ZRANB3: variants seen among roughly 807,000 people sequenced by gnomAD.
ZRANB3 encodes DNA annealing helicase and endonuclease ZRANB3.
In ZRANB3, 125 loss-of-function variants were observed where a neutral mutation model predicts 133.8. The ratio of observed to expected loss-of-function variants is 0.93; its 90% CI spans 0.81 to 1.08. The LOEUF is 1.08. Among genes scored for constraint, ZRANB3 ranks in the 50% least tolerant of loss-of-function variants. The pLI is 0.00. For synonymous variants in ZRANB3, 387 were observed against 432.7 expected, an observed-to-expected ratio of 0.89 and a Z score of 1.31; for missense variants, 1,229 against 1,275.5, an observed-to-expected ratio of 0.96 and a Z score of 0.56.
intron 2 of ZRANB3, among the ~76,000 whole-genome samples, chr2:135,493,129 AT>A (rs1692476145): frequency 8.1e-5 from 3 of 37,016 alleles, no homozygotes; most frequent in Admixed American, 3.0e-4. Context: ...ATATATATAT[AT>A]ATATATATAT....
At chr2:135,219,764 A>G (rs1369737000) in intron 15 of ZRANB3, among the ~76,000 whole-genome samples, 2 of 152,218 alleles carry the variant, frequency 1.3e-5, no homozygotes, top group African/African-American at 4.8e-5. Context: ...CCCCCAAAGC[A>G]ATGTCACAGT....
chr2:135,515,890 CTACTAT>C (rs1693675855), intron 1 of ZRANB3, among the ~76,000 whole-genome samples: 1 of 152,168 alleles, frequency 6.6e-6, no homozygotes, highest in African/African-American at 2.4e-5. Flanking sequence ...ATTAAATCTC[CTACTAT>C]TATCGTATGG....
At chr2:135,422,354 T>C (rs1688898219) in intron 2 of ZRANB3, among the ~76,000 whole-genome samples, 1 of 152,184 alleles carries the variant, frequency 6.6e-6, no homozygotes, top group South Asian at 2.1e-4. Flanking sequence ...CCAAATCAAA[T>C]GGTCATTTCT....
intron 2 of ZRANB3, among the ~76,000 whole-genome samples, chr2:135,436,737 A>G (rs551619634): frequency 6.6e-6 from 1 of 152,180 alleles, no homozygotes; most frequent in Non-Finnish European, 1.5e-5. Flanking sequence ...TACGAGTGGC[A>G]TTCTTCATAG....
chr2:135,303,418 C>CT (rs1682537094), intron 8 of ZRANB3, among the ~76,000 whole-genome samples: 1 of 152,044 alleles, frequency 6.6e-6, no homozygotes, highest in Non-Finnish European at 1.5e-5. Context: ...ATGTTCAAGA[C>CT]TTCTTTTTTT....
chr2:135,260,961 GATAT>G (rs990161846), intron 12 of ZRANB3, among the ~76,000 whole-genome samples: 1 of 144,806 alleles, frequency 6.9e-6, no homozygotes, highest in Non-Finnish European at 1.5e-5. Flanking sequence ...ATATACACTT[GATAT>G]ATATATTATA....
intron 1 of ZRANB3, among the ~76,000 whole-genome samples, chr2:135,509,946 T>C (rs1371113215): frequency 1.3e-5 from 2 of 152,140 alleles, no homozygotes; most frequent in African/African-American, 4.8e-5. Flanking sequence ...TTTAGAAGTG[T>C]TTCGTGATCC....
At chr2:135,374,655 C>A (rs1352346319) in intron 3 of ZRANB3, among the ~76,000 whole-genome samples, 1 of 152,020 alleles carries the variant, frequency 6.6e-6, no homozygotes, top group Non-Finnish European at 1.5e-5. Context: ...GCACCTCCCA[C>A]CACACCTGCC....
At chr2:135,462,599 CTTTTTCTTTTTT>C (rs892624088) in intron 2 of ZRANB3, among the ~76,000 whole-genome samples, 2 of 133,538 alleles carry the variant, frequency 1.5e-5, no homozygotes, top group African/African-American at 3.6e-5. Flanking sequence ...CTCTCTTTTT[CTTTTTCTTTTTT>C]TTTTTCAGTC....
chr2:135,407,714 A>T (rs1354273551), intron 2 of ZRANB3, among the ~76,000 whole-genome samples: 1 of 151,632 alleles, frequency 6.6e-6, no homozygotes. Flanking sequence ...CAAAAACAAT[A>T]AATGGGGAAA....
intron 2 of ZRANB3, among the ~76,000 whole-genome samples, chr2:135,474,693 T>C (rs749942484): frequency 1.6e-4 from 25 of 152,192 alleles, no homozygotes; most frequent in Non-Finnish European, 3.1e-4. Context: ...ATTTTCTTTA[T>C]AAATTACCCA....
At chr2:135,425,533 T>C (rs545710727) in intron 2 of ZRANB3, among the ~76,000 whole-genome samples, 3 of 152,240 alleles carry the variant, frequency 2.0e-5, no homozygotes, top group Non-Finnish European at 4.4e-5. Flanking sequence ...AGTAGATTTT[T>C]CCATAATCAA....
At chr2:135,349,149 G>T (rs1685078924) in intron 5 of ZRANB3, among the ~76,000 whole-genome samples, 1 of 152,110 alleles carries the variant, frequency 6.6e-6, no homozygotes, top group African/African-American at 2.4e-5. Context: ...CAGAGCTTAG[G>T]TAATACTGTT....
intron 17 of ZRANB3, among the ~76,000 whole-genome samples, chr2:135,217,256 G>A (rs192727981): frequency 6.6e-6 from 1 of 152,082 alleles, no homozygotes; most frequent in Non-Finnish European, 1.5e-5. Context: ...AGTAAGATCT[G>A]GACAACCTGA....
At position 135,413,165 on chromosome 2, in the gene ZRANB3, G is replaced by A. The variant is rs142376260; in HGVS notation, c.162-22345C>T. Among the ~76,000 whole-genome samples the A allele has an allele frequency of 5.9e-5, 9 of 152,118 alleles. No homozygotes were observed. The East Asian group carries it at 7.7e-4, about 13-fold the overall frequency. ...CTATTAAGACACTTTAGGACACTTC[G>A]GATATATCCTTCCACGTGCTTCTGA... On this transcript the variant is annotated intron_variant, in intron 2 of 20. Coordinates refer to ENST00000264159, the MANE Select transcript of ZRANB3 (RefSeq NM_032143.4).
At chr2:135,515,477 C>T (rs375740361) in intron 1 of ZRANB3, among the ~76,000 whole-genome samples, 3 of 152,114 alleles carry the variant, frequency 2.0e-5, no homozygotes, top group Admixed American at 6.6e-5. Flanking sequence ...GATTCTGGTA[C>T]GTTGTGTCTT....
At chr2:135,375,419 C>G (rs999467603) in intron 3 of ZRANB3, among the ~76,000 whole-genome samples, 3 of 151,944 alleles carry the variant, frequency 2.0e-5, no homozygotes, top group Admixed American at 6.6e-5. Flanking sequence ...GGCACGGTGG[C>G]TCACTCCTGT....
At chr2:135,357,953 A>G (rs926487511) in intron 3 of ZRANB3, among the ~76,000 whole-genome samples, 2 of 152,132 alleles carry the variant, frequency 1.3e-5, no homozygotes, top group Admixed American at 6.6e-5. Flanking sequence ...CATTCCTTTT[A>G]AGACTTGGTT....
intron 7 of ZRANB3, among the ~76,000 whole-genome samples, chr2:135,313,939 A>G (rs975938687): frequency 6.6e-6 from 1 of 152,178 alleles, no homozygotes; most frequent in African/African-American, 2.4e-5. Flanking sequence ...ATCTCGGCTC[A>G]CTGCAACCTC....
Sources: gnomAD v4.1 joint callset for allele counts (sites outside exome capture counted in the v4.1 genomes callset) on GRCh38, gnomAD v4.1.1 for gene constraint, MANE v1.5 for transcripts, NCBI Gene and HGNC (gene_info 2026-07-23, HGNC 2026-07-21) for gene names.